Variants in SPOCK1 observed in about 807,000 individuals in gnomAD.
SPOCK1 encodes the protein SPARC (osteonectin), cwcv and kazal like domains proteoglycan 1.
A neutral mutation model predicts 55.3 loss-of-function variants in SPOCK1; 23 were observed. That is an observed-to-expected ratio of 0.42 (90% confidence interval 0.30 to 0.59). The LOEUF (loss-of-function observed/expected upper bound fraction) is 0.59, where lower values mean the gene tolerates loss of function less well. SPOCK1 is among the 20% of genes least tolerant of loss of function. The pLI is 0.22. For synonymous variants in SPOCK1, 226 were observed against 221.0 expected (o/e 1.02, Z -0.20); for missense variants, 499 against 552.5 (o/e 0.90, Z 0.97).
chr5:137,123,292 G>A (rs1268004389), intron 4 of SPOCK1, among the ~76,000 whole-genome samples: 1 of 152,136 alleles, frequency 6.6e-6, no homozygotes, highest in Admixed American at 6.5e-5. Flanking sequence ...ACTCTGGCTA[G>A]CTCCCCAGGC....
At chr5:137,072,085 C>T (rs993742441) in intron 5 of SPOCK1, among the ~76,000 whole-genome samples, 3 of 152,206 alleles carry the variant, frequency 2.0e-5, no homozygotes, top group African/African-American at 7.2e-5. Context: ...GATGGCTCAG[C>T]TCTGCTGGAA....
intron 2 of SPOCK1, among the ~76,000 whole-genome samples, chr5:137,491,200 ACGTGAC>A (rs1041432315): frequency 2.4e-4 from 36 of 152,306 alleles, no homozygotes; most frequent in African/African-American, 7.7e-4. Flanking sequence ...CAAGACTGGA[ACGTGAC>A]CTCAGGTTAA....
chr5:137,031,175 C>T (rs897130371), intron 6 of SPOCK1, among the ~76,000 whole-genome samples: 1 of 152,180 alleles, frequency 6.6e-6, no homozygotes, highest in Non-Finnish European at 1.5e-5. Context: ...TTATTCCCCA[C>T]ATTATCCCTG....
intron 3 of SPOCK1, among the ~76,000 whole-genome samples, chr5:137,247,221 G>A (rs909652039): frequency 2.6e-5 from 4 of 152,176 alleles, no homozygotes; most frequent in African/African-American, 9.7e-5. Context: ...GCACTGTGGA[G>A]GGGAGCTGGA....
At chr5:137,132,582 G>A (rs1341097395) in intron 4 of SPOCK1, among the ~76,000 whole-genome samples, 1 of 152,198 alleles carries the variant, frequency 6.6e-6, no homozygotes, top group Non-Finnish European at 1.5e-5. Context: ...GGAAATCGGA[G>A]GGCATTGCTA....
At chr5:137,148,642 G>T (rs1050506314) in intron 3 of SPOCK1, among the ~76,000 whole-genome samples, 1 of 152,154 alleles carries the variant, frequency 6.6e-6, no homozygotes, top group African/African-American at 2.4e-5. Context: ...CCAATTAGGG[G>T]GCTGACATGG....
At chr5:137,334,026 C>T (rs369953984) in intron 2 of SPOCK1, among the ~76,000 whole-genome samples, 4 of 152,156 alleles carry the variant, frequency 2.6e-5, no homozygotes, top group South Asian at 2.1e-4. Context: ...AAGGGTGCCC[C>T]GTCAGATCCC....
intron 4 of SPOCK1, among the ~76,000 whole-genome samples, chr5:137,140,347 G>A (rs1188431653): frequency 6.6e-6 from 1 of 152,198 alleles, no homozygotes; most frequent in African/African-American, 2.4e-5. Flanking sequence ...TCAGGACTCA[G>A]AGTCAAAATG....
intron 2 of SPOCK1, among the ~76,000 whole-genome samples, chr5:137,487,146 C>T (rs1919515): frequency 0.37 from 55,803 of 151,764 alleles, 10,366 homozygotes; most frequent in East Asian, 0.46. Flanking sequence ...TTTTAGGTGC[C>T]ATGAATTTAC....
chr5:137,112,783 A>G (rs2127032783), intron 4 of SPOCK1, among the ~76,000 whole-genome samples: 1 of 152,284 alleles, frequency 6.6e-6, no homozygotes, highest in East Asian at 1.9e-4. Flanking sequence ...TGGACTGAGG[A>G]AAACAATGTA....
intron 6 of SPOCK1, among the ~76,000 whole-genome samples, chr5:137,049,046 C>T (rs1299267007): frequency 4.3e-5 from 6 of 140,012 alleles, no homozygotes; most frequent in South Asian, 2.5e-4. Flanking sequence ...GAGGGTAACC[C>T]GACCTTTCTC....
chr5:137,319,607 A>G (rs1468953510), intron 2 of SPOCK1, among the ~76,000 whole-genome samples: 3 of 152,238 alleles, frequency 2.0e-5, no homozygotes, highest in African/African-American at 4.8e-5. Flanking sequence ...ACAGTAGAAT[A>G]GGAAACCCGA....
intron 2 of SPOCK1, among the ~76,000 whole-genome samples, chr5:137,494,277 G>T (rs1313090978): frequency 6.6e-6 from 1 of 152,106 alleles, no homozygotes; most frequent in Admixed American, 6.6e-5. Flanking sequence ...TTAACCTAAG[G>T]CTGTTCACGG....
At chr5:137,108,401 A>G (rs1354908849) in intron 5 of SPOCK1, among the ~76,000 whole-genome samples, 1 of 152,216 alleles carries the variant, frequency 6.6e-6, no homozygotes, top group African/African-American at 2.4e-5. Flanking sequence ...ACAAACTTCT[A>G]GATGTTCACA....
chr5:136,995,797 G>C (rs752249140), intron 6 of SPOCK1, among the ~76,000 whole-genome samples: 4 of 152,158 alleles, frequency 2.6e-5, no homozygotes, highest in Non-Finnish European at 4.4e-5. Flanking sequence ...TGTCTGATCG[G>C]ATCAGGCACT....
intron 3 of SPOCK1, among the ~76,000 whole-genome samples, chr5:137,235,096 T>A (rs372351705): frequency 2.6e-5 from 4 of 152,238 alleles, no homozygotes; most frequent in Non-Finnish European, 5.9e-5. Context: ...CATTTGGGGC[T>A]GAATCATTGG....
intron 2 of SPOCK1, among the ~76,000 whole-genome samples, chr5:137,350,601 G>A (rs1216371168): frequency 2.6e-5 from 4 of 152,094 alleles, no homozygotes; most frequent in Admixed American, 1.3e-4. Flanking sequence ...ATCCAAAAGA[G>A]TGCACACACA....
intron 2 of SPOCK1, among the ~76,000 whole-genome samples, chr5:137,456,605 T>G (rs557156886): frequency 6.6e-6 from 1 of 152,306 alleles, no homozygotes; most frequent in African/African-American, 2.4e-5. Context: ...TAAACGATAT[T>G]ATGTTCTGTC....
At chr5:137,297,139 TAC>T (rs910806689) in intron 2 of SPOCK1, among the ~76,000 whole-genome samples, 27 of 152,236 alleles carry the variant, frequency 1.8e-4, no homozygotes, top group Admixed American at 2.0e-4. Flanking sequence ...GGGATGTATA[TAC>T]ACACACATAC....
Sources: allele counts gnomAD v4.1 joint callset (sites outside exome capture counted in the v4.1 genomes callset), GRCh38; gene constraint gnomAD v4.1.1; transcripts MANE v1.5; gene names NCBI Gene and HGNC (gene_info 2026-07-23, HGNC 2026-07-21).